Variants in PTGR1 observed in about 807,000 individuals in gnomAD.
PTGR1 encodes the protein prostaglandin reductase 1, also known as 15-oxoprostaglandin 13-reductase.
Under a neutral mutation model 37.7 loss-of-function variants are expected in PTGR1, and 23 were observed. That is an observed-to-expected ratio of 0.61 (90% CI 0.44 to 0.86). The LOEUF (loss-of-function observed/expected upper bound fraction) is 0.86. PTGR1 is among the 40% of genes least tolerant of loss of function. The probability of loss-of-function intolerance (pLI) is 0.00; values close to 1 mark genes in which losing one functional copy is unlikely to be tolerated. For synonymous variants in PTGR1, 134 were observed against 140.0 expected (o/e 0.96, Z 0.30); for missense variants, 351 against 394.3 (o/e 0.89, Z 0.93).
intron 3 of PTGR1, 73 bp from the exon 4 acceptor site, chr9:111,593,055 A>C (rs1328041800): frequency 1.3e-6 from 2 of 1,499,666 alleles, no homozygotes; most frequent in East Asian, 2.5e-5. Flanking sequence ...AATACATAGG[A>C]GCATCGGGGG....
chr9:111,559,276 G>A (rs941671690), downstream of PTGR1, among the ~76,000 whole-genome samples: 6 of 151,928 alleles, frequency 3.9e-5, no homozygotes, highest in Admixed American at 6.6e-5. Flanking sequence ...CTTACTTTGG[G>A]CCCTTAAACT....
intron 9 of PTGR1, among the ~76,000 whole-genome samples, chr9:111,554,866 T>A (rs1828075887): frequency 6.6e-6 from 1 of 152,228 alleles, no homozygotes; most frequent in East Asian, 1.9e-4. Context: ...GCTCAGGGTC[T>A]ACAACTGAAG....
At chr9:111,598,174 C>T (rs1829839842) in intron 1 of PTGR1, among the ~76,000 whole-genome samples, 1 of 152,162 alleles carries the variant, frequency 6.6e-6, no homozygotes, top group Admixed American at 6.5e-5. Flanking sequence ...TGAGTTTAAA[C>T]TCCACACCAA....
intron 4 of PTGR1, among the ~76,000 whole-genome samples, chr9:111,590,555 T>C (rs1173824657): frequency 2.6e-5 from 4 of 152,116 alleles, no homozygotes; most frequent in Admixed American, 1.3e-4. Flanking sequence ...GATTGGGTTT[T>C]GACATGTTGG....
intron 4 of PTGR1, among the ~76,000 whole-genome samples, chr9:111,587,098 A>T (rs1829455230): frequency 6.6e-6 from 1 of 152,062 alleles, no homozygotes. Context: ...TACAGGTGTA[A>T]GCCACTGCGC....
intron 9 of PTGR1, among the ~76,000 whole-genome samples, chr9:111,567,430 C>A (rs150988119): frequency 1.3e-5 from 2 of 152,288 alleles, no homozygotes; most frequent in African/African-American, 4.8e-5. Context: ...TGTGATCCAC[C>A]TGCCTTGGCC....
At chr9:111,569,010 T>C (rs573970275) in intron 9 of PTGR1, among the ~76,000 whole-genome samples, 2 of 152,306 alleles carry the variant, frequency 1.3e-5, no homozygotes, top group South Asian at 2.1e-4. Flanking sequence ...ATTGAGAAAC[T>C]AGAAGTATAG....
Position 111,562,828 on chromosome 9 carries a change from T to G in PTGR1, c.*293A>C. 1 of 586,934 alleles carries G rather than the reference T, an allele frequency of 1.7e-6. No individual in the cohort carries two copies. Among genetic ancestry groups the G allele is most frequent in the Non-Finnish European group, 2.4e-6 (1 of 419,156 alleles). 36.4% of individuals were successfully genotyped at this position (586,934 alleles called of 1,614,324 possible). A position where few individuals can be genotyped will look rare whatever the true frequency, so the allele number is the denominator to read the frequency against. ...GTGTTCTCATTGTTCAGCTCCCACT[T>G]ATGAATGAAAACATACAGTGTTTGG... On this transcript the variant is annotated 3_prime_UTR_variant, in exon 10 of 10. Coordinates refer to ENST00000407693, the MANE Select transcript of PTGR1 (RefSeq NM_001146108.2).
At chr9:111,581,403 GCTAA>G (rs1046481273) in intron 6 of PTGR1, among the ~76,000 whole-genome samples, 3 of 152,120 alleles carry the variant, frequency 2.0e-5, no homozygotes, top group Admixed American at 1.3e-4. Context: ...GATTATAATG[GCTAA>G]CTAAGTTGCA....
In PTGR1 at chr9:111,578,825, G is replaced by A. The variant is rs1456765673; in HGVS notation, c.622C>T (p.Pro208Ser). Residue 208 changes from proline to serine, a missense_variant, in exon 7 of 10, where the codon CCT becomes TCT. By Grantham distance (74) the Pro-to-Ser change is moderately conservative (BLOSUM62 -1). Coordinates refer to ENST00000407693, the MANE Select transcript of PTGR1 (RefSeq NM_001146108.2). ...TCAAAATAACAATCATAACCATCAG[G>A]AGACGCTTTCTTCAAGGTTTCTTCC... is the stretch of plus-strand genomic sequence containing the variant. ...SLEETLKKAS[P>S]DGYDCYFDNV... The A allele has an allele frequency of 2.5e-6, 4 of 1,606,496 alleles. No individual in the cohort carries two copies. In the Admixed American group the frequency reaches 5.2e-5, roughly 21 times the overall value.
intron 4 of PTGR1, among the ~76,000 whole-genome samples, chr9:111,589,979 A>T (rs1035658477): frequency 2.6e-5 from 4 of 152,200 alleles, no homozygotes; most frequent in Non-Finnish European, 5.9e-5. Flanking sequence ...CCCCTTTCTA[A>T]GCATGAGATG....
chr9:111,574,602 C>CT, intron 8 of PTGR1, 132 bp downstream of exon 8: 4 of 588,116 alleles, frequency 6.8e-6, no homozygotes, highest in East Asian at 3.6e-5. Context: ...GAGACTCTGT[C>CT]TTAAAAAAAA....
chr9:111,580,592 C>T (rs553417304), intron 6 of PTGR1, among the ~76,000 whole-genome samples: 1 of 152,156 alleles, frequency 6.6e-6, no homozygotes, highest in Non-Finnish European at 1.5e-5. Flanking sequence ...CCCATCTCTA[C>T]TAAAAATACA....
intron 5 of PTGR1, 37 bp from the exon 6 acceptor site, chr9:111,583,626 G>A: frequency 6.8e-7 from 1 of 1,477,184 alleles, no homozygotes; most frequent in South Asian, 1.1e-5. Flanking sequence ...GAATAGAGTT[G>A]TTTCTTTCCT....
chr9:111,569,659 G>T (rs1828723046), intron 9 of PTGR1, among the ~76,000 whole-genome samples: 1 of 152,184 alleles, frequency 6.6e-6, no homozygotes, highest in African/African-American at 2.4e-5. Flanking sequence ...TAGCTACTCG[G>T]GAGGCTGAGG....
downstream of PTGR1, among the ~76,000 whole-genome samples, chr9:111,561,139 GAGAGAGA>G (rs1828296380): frequency 6.4e-5 from 1 of 15,564 alleles, no homozygotes; most frequent in Non-Finnish European, 1.2e-4. Flanking sequence ...AGAGAGAGAG[GAGAGAGA>G]GGGAGAGAGA....
In PTGR1 at chr9:111,570,202, G is replaced by C. The variant is rs759761323; in HGVS notation, c.768C>G (p.Pro256=). The C allele has an allele frequency of 6.2e-7, 1 of 1,613,220 alleles. No homozygotes were observed. Among genetic ancestry groups the C allele is most frequent in the African/African-American group, 1.3e-5 (1 of 74,864 alleles). ...GCTCCTGATAGATAACAATCTCTGG[G>C]GGTGGGCCTGTGAAGAGAAGGGCAC... ...NRTGPLPPGP[P]PEIVIYQELR... The change falls in exon 9 of 10, where the codon CCC becomes CCG. Residue 256 remains proline, a synonymous_variant. Coordinates refer to ENST00000407693, the MANE Select transcript of PTGR1 (RefSeq NM_001146108.2).
In PTGR1 at chr9:111,594,263, GA is replaced by G. The variant is rs777875898; in HGVS notation, c.110del (p.Val37AlafsTer14). 6.2e-7 allele frequency: 1 copy of G among 1,613,240 alleles called. No individual in the cohort carries two copies. The highest frequency in any genetic ancestry group is 8.5e-7 in the Non-Finnish European group (1 of 1,179,462). ...AELPPLKNGEVLLEALFLTVD... is the reference protein window; with the variant it reads ...AELPPLKNGEXLLEALFLTVD... ...CGGTGAGGAACAAAGCTTCAAGCAG[GA>G]CCTCTACAAAATAAAGCATTCCATA... On this transcript the variant is annotated frameshift_variant, in exon 3 of 10. Transcript: ENST00000407693. LOFTEE classifies it high-confidence loss of function.
chr9:111,553,130 T>C (rs1256960717), intron 9 of PTGR1, among the ~76,000 whole-genome samples: 1 of 152,232 alleles, frequency 6.6e-6, no homozygotes, highest in African/African-American at 2.4e-5. Context: ...AAATGGTTGC[T>C]AAAAATTACA....
Sources: allele counts gnomAD v4.1 joint callset (sites outside exome capture counted in the v4.1 genomes callset), GRCh38; gene constraint gnomAD v4.1.1; transcripts MANE v1.5; gene names NCBI Gene and HGNC (gene_info 2026-07-23, HGNC 2026-07-21).